The following LSAMP variants were observed in gnomAD, a reference collection of about 807,000 sequenced individuals.
LSAMP encodes limbic system-associated membrane protein.
Under a neutral mutation model 38.6 loss-of-function variants are expected in LSAMP, and 7 were observed. The ratio of observed to expected loss-of-function variants is 0.18; its 90% confidence interval spans 0.10 to 0.34. The LOEUF (loss-of-function observed/expected upper bound fraction) is 0.34. LSAMP is among the 10% of genes least tolerant of loss of function. The pLI is 1.00. For synonymous variants in LSAMP, 154 were observed against 166.8 expected (o/e 0.92, Z 0.59); for missense variants, 313 against 420.0 (o/e 0.75, Z 2.23).
rs184336307 is a variant in LSAMP at position 116,261,062 on chromosome 3, A to G, written c.156-174506T>C. On this transcript the variant is annotated intron_variant, in intron 1 of 6. Transcript: ENST00000490035. The stretch of plus-strand genomic sequence containing the variant: ...TAATTCTATCCTATTACCCTTAGCC[A>G]CATACACCTTGGTATCACAGTACTG... Among the ~76,000 whole-genome samples the G allele has an allele frequency of 3.9e-3, 592 of 152,232 alleles. 5 individuals are homozygous for G. Among genetic ancestry groups the G allele is most frequent in the African/African-American group, 0.013 (560 of 41,490 alleles).
intron 1 of LSAMP, among the ~76,000 whole-genome samples, chr3:116,139,195 T>C (rs970147213): frequency 6.6e-6 from 1 of 151,954 alleles, no homozygotes; most frequent in South Asian, 2.1e-4. Flanking sequence ...AAAGTTGTAG[T>C]ATCCTGACTT....
intron 1 of LSAMP, among the ~76,000 whole-genome samples, chr3:116,326,050 C>T (rs1403591116): frequency 6.6e-6 from 1 of 152,046 alleles, no homozygotes; most frequent in East Asian, 1.9e-4. Context: ...CATATTTGAA[C>T]ACTCAGTTGT....
chr3:115,935,062 CAA>C (rs573594286), intron 3 of LSAMP, among the ~76,000 whole-genome samples: 1 of 146,304 alleles, frequency 6.8e-6, no homozygotes, highest in East Asian at 2.0e-4. Flanking sequence ...AAACAAAAAA[CAA>C]AAAAAACCTC....
At chr3:116,438,503 A>G (rs1175148186) in intron 1 of LSAMP, among the ~76,000 whole-genome samples, 5 of 152,212 alleles carry the variant, frequency 3.3e-5, no homozygotes, top group Non-Finnish European at 7.4e-5. Flanking sequence ...TATCTATGAC[A>G]TAGGCTTTTC....
chr3:116,154,616 T>C (rs2107530459), intron 1 of LSAMP, among the ~76,000 whole-genome samples: 1 of 152,144 alleles, frequency 6.6e-6, no homozygotes, highest in East Asian at 1.9e-4. Flanking sequence ...CTCCCTCCCA[T>C]CTGCATTCAG....
At chr3:116,164,816 A>G (rs1282501485) in intron 1 of LSAMP, among the ~76,000 whole-genome samples, 5 of 146,956 alleles carry the variant, frequency 3.4e-5, no homozygotes, top group African/African-American at 1.0e-4. Context: ...CCAGGAAACA[A>G]TGTCAGTGCC....
chr3:116,288,059 A>AG (rs1188387902), intron 1 of LSAMP, among the ~76,000 whole-genome samples: 1 of 152,248 alleles, frequency 6.6e-6, no homozygotes, highest in African/African-American at 2.4e-5. Context: ...ACCATATCAA[A>AG]GAAGGCAGGT....
chr3:115,898,420 C>A (rs1936783586), intron 3 of LSAMP, among the ~76,000 whole-genome samples: 2 of 151,928 alleles, frequency 1.3e-5, no homozygotes, highest in African/African-American at 4.8e-5. Flanking sequence ...GTTCTGGGGC[C>A]ACCTACAGAT....
At chr3:116,155,184 ACT>A (rs1709716301) in intron 1 of LSAMP, among the ~76,000 whole-genome samples, 1 of 150,340 alleles carries the variant, frequency 6.7e-6, no homozygotes, top group Admixed American at 6.6e-5. Flanking sequence ...CATTCACTGG[ACT>A]CTCTCATGAG....
intron 6 of LSAMP, among the ~76,000 whole-genome samples, chr3:115,826,890 C>T (rs996206624): frequency 1.3e-5 from 2 of 149,608 alleles, no homozygotes; most frequent in Admixed American, 6.7e-5. Flanking sequence ...ATACTATTTA[C>T]GAGTTAGAAT....
chr3:116,397,504 T>A (rs2048784450), intron 1 of LSAMP, among the ~76,000 whole-genome samples: 1 of 151,960 alleles, frequency 6.6e-6, no homozygotes, highest in Non-Finnish European at 1.5e-5. Flanking sequence ...CTTATTTATT[T>A]ATATTATTGT....
At chr3:116,342,359 A>G (rs919155929) in intron 1 of LSAMP, among the ~76,000 whole-genome samples, 1 of 152,068 alleles carries the variant, frequency 6.6e-6, no homozygotes, top group African/African-American at 2.4e-5. Flanking sequence ...TTTGATTATC[A>G]ATCTCTAGGA....
intron 1 of LSAMP, among the ~76,000 whole-genome samples, chr3:116,088,258 T>C (rs1708038946): frequency 6.6e-6 from 1 of 152,206 alleles, no homozygotes; most frequent in South Asian, 2.1e-4. Context: ...TTTGTTTTCA[T>C]AAACATAACT....
rs1559894832 is a variant in LSAMP, at chr3:115,953,439, AC to A, written c.514+66075del. Among the ~76,000 whole-genome samples the A allele has an allele frequency of 2.3e-3, 348 of 149,052 alleles. 1 individual carries two copies. The highest frequency in any genetic ancestry group is 8.2e-3 in the African/African-American group (331 of 40,346). On this transcript the variant is annotated intron_variant, in intron 3 of 6. Coordinates refer to ENST00000490035, the MANE Select transcript of LSAMP (RefSeq NM_002338.5). Reference sequence around the variant, plus strand: ...CACACACACACACACACACACACACACACAATGTCTAAAATACACCAAATAT... The same window carrying A: ...CACACACACACACACACACACACACAACAATGTCTAAAATACACCAAATAT...
chr3:115,916,593 C>A (rs772436000), intron 3 of LSAMP, among the ~76,000 whole-genome samples: 1 of 152,160 alleles, frequency 6.6e-6, no homozygotes, highest in Non-Finnish European at 1.5e-5. Flanking sequence ...CTCATTTATT[C>A]ATCCATCCAT....
rs115732816 is a variant in LSAMP at position 116,274,087 on chromosome 3, C to A, written c.155+170790G>T. On this transcript the variant is annotated intron_variant, in intron 1 of 6. Transcript: ENST00000490035. The stretch of plus-strand genomic sequence containing the variant: ...TTTCAGAGGAGTTTTCTGGACTGTT[C>A]TCTCTCACATTTAGGATACTATTTT... Among the ~76,000 whole-genome samples, 1,000 of 152,090 alleles carry A rather than the reference C, an allele frequency of 6.6e-3. 10 individuals carry two copies. Among genetic ancestry groups the A allele is most frequent in the African/African-American group, 0.023 (946 of 41,484 alleles).
At chr3:116,055,701 G>A (rs141568213) in intron 2 of LSAMP, among the ~76,000 whole-genome samples, 2,166 of 152,224 alleles carry the variant, frequency 0.014, 29 homozygotes, top group Non-Finnish European at 0.023. Flanking sequence ...AGTCATTTTC[G>A]TAATCCTTCA....
chr3:115,995,529 G>A (rs1939790987), intron 3 of LSAMP, among the ~76,000 whole-genome samples: 1 of 152,010 alleles, frequency 6.6e-6, no homozygotes, highest in Non-Finnish European at 1.5e-5. Context: ...TTGAATTTAT[G>A]TTTTTGTTGT....
intron 2 of LSAMP, among the ~76,000 whole-genome samples, chr3:116,023,298 A>ATT (rs1218580237): frequency 6.6e-6 from 1 of 152,004 alleles, no homozygotes; most frequent in African/African-American, 2.4e-5. Context: ...ATGAGAAAAT[A>ATT]TTAAAAATGG....
Sources: gnomAD v4.1 joint callset for allele counts (sites outside exome capture counted in the v4.1 genomes callset) on GRCh38, gnomAD v4.1.1 for gene constraint, MANE v1.5 for transcripts, NCBI Gene and HGNC (gene_info 2026-07-23, HGNC 2026-07-21) for gene names.